Variants in TRPM8 observed in about 807,000 individuals in gnomAD.
TRPM8 encodes the protein TRPM8 cationic channel.
Under a neutral mutation model 133.7 loss-of-function variants are expected in TRPM8, and 110 were observed. The ratio of observed to expected loss-of-function variants is 0.82; its 90% CI spans 0.70 to 0.96. TRPM8 has a LOEUF of 0.96. Among genes scored for constraint, TRPM8 ranks in the 40% least tolerant of loss-of-function variants. The pLI is 0.00. For synonymous variants in TRPM8, 535 were observed against 532.3 expected (o/e 1.01, Z -0.07); for missense variants, 1,291 against 1,379.5 (o/e 0.94, Z 1.02).
chr2:233,923,540 G>T (rs1223076766), intron 1 of TRPM8, among the ~76,000 whole-genome samples: 1 of 152,146 alleles, frequency 6.6e-6, no homozygotes, highest in Non-Finnish European at 1.5e-5. Context: ...CCGGCACCAG[G>T]TTACCACGCA....
chr2:233,970,324 G>C lies in TRPM8; in HGVS notation c.2253G>C (p.Leu751=), dbSNP rs774348438. 1.2e-6 allele frequency: 2 copies of C among 1,614,142 alleles called. No homozygotes were observed. The highest frequency in any genetic ancestry group is 2.7e-5 in the African/African-American group (2 of 75,014). The change falls in exon 17 of 26, where the codon CTG becomes CTC. Residue 751 remains leucine, a synonymous_variant. Coordinates refer to ENST00000324695, the MANE Select transcript of TRPM8 (RefSeq NM_024080.5). ...NVVFYIAFLL[L]FAYVLLMDFH... Reference sequence around the variant, plus strand: ...TCTTCTACATCGCCTTCCTCCTGCTGTTTGCCTACGTGCTGCTCATGGATT... The same window carrying C: ...TCTTCTACATCGCCTTCCTCCTGCTCTTTGCCTACGTGCTGCTCATGGATT...
At chr2:233,950,209 T>C in intron 9 of TRPM8, 63 bp downstream of exon 9, 1 of 1,493,194 alleles carries the variant, frequency 6.7e-7, no homozygotes, top group Non-Finnish European at 9.1e-7. Context: ...GAAGGGAGAA[T>C]GCCTTAAACG....
chr2:234,015,356 ATT>A (rs539984236), intron 25 of TRPM8, among the ~76,000 whole-genome samples: 1 of 147,084 alleles, frequency 6.8e-6, no homozygotes, highest in African/African-American at 2.5e-5. Context: ...CTGGATTAGA[ATT>A]TTTTTTTTTT....
chr2:233,963,520 C>A (rs976358332), intron 13 of TRPM8, 143 bp downstream of exon 13: 13 of 592,120 alleles, frequency 2.2e-5, no homozygotes, highest in Non-Finnish European at 3.2e-5. Flanking sequence ...GGTCTCTGTT[C>A]CATGTTGGTG....
intron 1 of TRPM8, among the ~76,000 whole-genome samples, chr2:233,919,379 G>A (rs1306219454): frequency 2.6e-5 from 4 of 152,090 alleles, no homozygotes; most frequent in Admixed American, 2.6e-4. Context: ...GTGTACTAAT[G>A]TTGTTAAGAT....
chr2:234,007,715 C>G (rs1692728518), intron 23 of TRPM8, among the ~76,000 whole-genome samples: 1 of 152,214 alleles, frequency 6.6e-6, no homozygotes. Flanking sequence ...TTGAAAGAAG[C>G]ATGGGATGCT....
chr2:234,005,003 A>G (rs563420123), intron 22 of TRPM8, among the ~76,000 whole-genome samples: 1 of 152,372 alleles, frequency 6.6e-6, no homozygotes, highest in African/African-American at 2.4e-5. Flanking sequence ...TCCTTGTTAA[A>G]CATGTAGATT....
At chr2:233,968,669 C>A (rs1240738430) in intron 15 of TRPM8, among the ~76,000 whole-genome samples, 1 of 151,956 alleles carries the variant, frequency 6.6e-6, no homozygotes, top group East Asian at 1.9e-4. Context: ...ACTGAGAAGG[C>A]CCTGGGTTTC....
At chr2:233,988,006 TG>T (rs1291495884) in intron 21 of TRPM8, among the ~76,000 whole-genome samples, 1 of 151,976 alleles carries the variant, frequency 6.6e-6, no homozygotes, top group Non-Finnish European at 1.5e-5. Flanking sequence ...TGCCCAGTTT[TG>T]GGTATGTCTT....
chr2:233,927,923 TTTCTCTC>T (rs1691593591), intron 2 of TRPM8, among the ~76,000 whole-genome samples: 2 of 40,504 alleles, frequency 4.9e-5, no homozygotes, highest in South Asian at 1.1e-3. Context: ...TCTCTCTCTC[TTTCTCTC>T]TCTCTCTCTC....
rs191698415 is a variant in TRPM8 at position 234,008,161 on chromosome 2, C to T, written c.3264+58C>T. ...TTTTTTTGGTCACTAATACTTTGAG[C>T]TTTCAGCTAGAGGCCAGTAGTTGTG... On this transcript the variant is annotated intron_variant, in intron 24 of 25. Transcript: ENST00000324695. 5,300 of 1,510,742 alleles carry T rather than the reference C, an allele frequency of 3.5e-3. 93 individuals are homozygous for T. The Admixed American group carries it at 0.054, about 15-fold the overall frequency. 93.6% of individuals were successfully genotyped at this position (1,510,742 alleles called of 1,614,324 possible).
intron 3 of TRPM8, chr2:233,934,091 G>A (rs959149281): frequency 1.2e-5 from 2 of 165,900 alleles, no homozygotes; most frequent in Non-Finnish European, 2.9e-5. Context: ...AAGACTTTTG[G>A]TTACAAGGAG....
At chr2:233,943,073 T>TC in intron 6 of TRPM8, 2 of 376,830 alleles carry the variant, frequency 5.3e-6, no homozygotes, top group Non-Finnish European at 9.6e-6. Flanking sequence ...GTATCTTTTT[T>TC]TTTTTTTTTT....
chr2:233,927,924 T>TTTC (rs1691594037), intron 2 of TRPM8, among the ~76,000 whole-genome samples: 1 of 28,054 alleles, frequency 3.6e-5, no homozygotes, highest in South Asian at 1.8e-3. Context: ...CTCTCTCTCT[T>TTTC]TCTCTCTCTC....
intron 17 of TRPM8, among the ~76,000 whole-genome samples, chr2:233,977,477 G>C (rs867340205): frequency 6.6e-6 from 1 of 152,206 alleles, no homozygotes; most frequent in Admixed American, 6.5e-5. Flanking sequence ...CAAGTCTCCC[G>C]GGCTGAGGTT....
At chr2:233,930,370 C>A (rs1202130776) in intron 2 of TRPM8, among the ~76,000 whole-genome samples, 1 of 152,102 alleles carries the variant, frequency 6.6e-6, no homozygotes, top group East Asian at 1.9e-4. Flanking sequence ...CCTATATTCT[C>A]CCTGGTAGCC....
chr2:233,989,872 C>A lies in TRPM8; in HGVS notation c.2939+4007C>A, dbSNP rs759532670. Among the ~76,000 whole-genome samples the A allele has an allele frequency of 6.6e-6, 1 of 152,156 alleles. No homozygotes were observed. The highest frequency in any genetic ancestry group is 2.4e-5 in the African/African-American group (1 of 41,428). On this transcript the variant is annotated intron_variant, in intron 21 of 25. Coordinates refer to ENST00000324695, the MANE Select transcript of TRPM8 (RefSeq NM_024080.5). The surrounding 1 kb of genome is among the most constrained non-coding windows in gnomAD (Gnocchi z 4.2). ...CAGTAAATGACTCCAGGTCGACTTA[C>A]CAGGAGCTAGGGCATTTATAAGCAT...
chr2:233,998,789 A>C (rs1269201580), intron 22 of TRPM8, among the ~76,000 whole-genome samples: 1 of 152,060 alleles, frequency 6.6e-6, no homozygotes, highest in Non-Finnish European at 1.5e-5. Context: ...TAAGGTGAGC[A>C]GATTCTACCC....
chr2:233,959,471 T>A (rs945954169), intron 11 of TRPM8, among the ~76,000 whole-genome samples: 1 of 151,424 alleles, frequency 6.6e-6, no homozygotes, highest in East Asian at 2.0e-4. Flanking sequence ...CCTGGCTAAC[T>A]TTTTTATTTT....
Sources: gnomAD v4.1 joint callset for allele counts (sites outside exome capture counted in the v4.1 genomes callset) on GRCh38, gnomAD v4.1.1 for gene constraint, Gnocchi (gnomAD v3.1) non-coding constraint, MANE v1.5 for transcripts, NCBI Gene and HGNC (gene_info 2026-07-23, HGNC 2026-07-21) for gene names.